Variants in PRDX1 observed in about 807,000 individuals in gnomAD.
The protein encoded by PRDX1 is peroxiredoxin 1.
PRDX1 carries 19 observed loss-of-function variants against 20.7 expected under a neutral mutation model. That is an observed-to-expected ratio of 0.92 (90% CI 0.64 to 1.35). PRDX1 has a LOEUF of 1.35. Among genes scored for constraint, PRDX1 ranks in the 40% most tolerant of loss-of-function variants. The pLI is 0.00. For synonymous variants in PRDX1, 89 were observed against 83.9 expected (o/e 1.06, Z -0.33); for missense variants, 226 against 240.0 (o/e 0.94, Z 0.38).
intron 1 of PRDX1, 30 bp from the exon 2 acceptor site, chr1:45,519,084 A>T (rs1170523957): frequency 6.8e-7 from 1 of 1,475,712 alleles, no homozygotes; most frequent in Non-Finnish European, 9.3e-7. Context: ...ATTAGAAACA[A>T]GCCTTAATTT....
chr1:45,515,131 A>G (rs1643834993), intron 3 of PRDX1, 136 bp from the exon 4 acceptor site: 1 of 1,275,404 alleles, frequency 7.8e-7, no homozygotes, highest in East Asian at 2.3e-5. Context: ...CAATAAAGTG[A>G]ATGCTGAGAA....
chr1:45,514,924 G>T lies in PRDX1; in HGVS notation c.332C>A (p.Thr111Asn), dbSNP rs776067972. The T allele has an allele frequency of 7.4e-6, 12 of 1,614,064 alleles. No individual in the cohort carries two copies. Among genetic ancestry groups the T allele is most frequent in the Non-Finnish European group, 1.0e-5 (12 of 1,180,030 alleles). The change falls in exon 4 of 6, where the codon ACC becomes AAC. Residue 111 changes from threonine to asparagine, a missense_variant. Thr to Asn is a moderately conservative substitution (Grantham distance 65, BLOSUM62 0). Coordinates refer to ENST00000319248, the MANE Select transcript of PRDX1 (RefSeq NM_181697.3). ...TAAGACCCCATAATCCTGAGCAATGGTGCGCTTCGGGTCTGATACCAAAGG... is the reference window on the plus strand; with the variant it reads ...TAAGACCCCATAATCCTGAGCAATGTTGCGCTTCGGGTCTGATACCAAAGG... The part of the protein sequence containing the change: ...NIPLVSDPKR[T>N]IAQDYGVLKA...
At chr1:45,521,701 C>G (rs1643915147) in intron 1 of PRDX1, 128 bp downstream of exon 1, 2 of 152,450 alleles carry the variant, frequency 1.3e-5, no homozygotes, top group African/African-American at 4.8e-5. Context: ...GGGCCTCCCC[C>G]GGCTGCCTCA....
chr1:45,522,244 C>T (rs2149331367), upstream of PRDX1, among the ~76,000 whole-genome samples: 1 of 152,280 alleles, frequency 6.6e-6, no homozygotes, highest in South Asian at 2.1e-4. Context: ...CTGCTGCCCA[C>T]GGAGGACCAC....
At chr1:45,518,467 CAAAAAAAAAA>C (rs35407028) in intron 2 of PRDX1, among the ~76,000 whole-genome samples, 1 of 48,050 alleles carries the variant, frequency 2.1e-5, no homozygotes. Flanking sequence ...AACTCCATCT[CAAAAAAAAAA>C]AAAAAAAAAA....
In PRDX1 at chr1:45,519,071, T is replaced by C; in HGVS notation, c.-11-17A>G. Reference sequence around the variant, plus strand: ...TCCTATCAGCTAGAAATAACAGAAATGAATTAGAAACAAGCCTTAATTTTC... The same window carrying C: ...TCCTATCAGCTAGAAATAACAGAAACGAATTAGAAACAAGCCTTAATTTTC... On this transcript the variant is annotated splice_polypyrimidine_tract_variant and intron_variant, in intron 1 of 5. Coordinates refer to ENST00000319248, the MANE Select transcript of PRDX1 (RefSeq NM_181697.3). 2.6e-6 allele frequency: 4 copies of C among 1,514,280 alleles called. No individual in the cohort carries two copies. Among genetic ancestry groups the C allele is most frequent in the Non-Finnish European group, 3.6e-6 (4 of 1,109,704 alleles). 93.8% of individuals were successfully genotyped at this position (1,514,280 alleles called of 1,614,324 possible).
chr1:45,520,723 C>CAAAAAAA (rs71052895), intron 1 of PRDX1, among the ~76,000 whole-genome samples: 8 of 57,534 alleles, frequency 1.4e-4, no homozygotes, highest in Non-Finnish European at 1.6e-4. Flanking sequence ...GACTCCGTCT[C>CAAAAAAA]AAAAAAAAAA....
At chr1:45,518,318 T>A (rs1454404882) in intron 2 of PRDX1, among the ~76,000 whole-genome samples, 2 of 151,132 alleles carry the variant, frequency 1.3e-5, no homozygotes, top group African/African-American at 2.4e-5. Flanking sequence ...CAAAAAAAAA[T>A]TAGCCAGGCA....
At chr1:45,513,520 A>G (rs1218753870) in intron 5 of PRDX1, 1 of 152,352 alleles carries the variant, frequency 6.6e-6, no homozygotes, top group Non-Finnish European at 1.5e-5. Context: ...CTGTGGGGAA[A>G]AGAGAGATCA....
rs186082850 is a variant in PRDX1 at position 45,511,492 on chromosome 1, C to T, written c.515-78G>A. The T allele has an allele frequency of 5.7e-5, 68 of 1,201,486 alleles. No homozygotes were observed. In the African/African-American group the frequency reaches 9.3e-4, roughly 16 times the overall value. The allele number at this position is 1,201,486 out of a possible 1,614,324, so 74.4% of individuals were successfully genotyped here. ...CATTCTCCTATGGACAAAACCAGTT[C>T]TGCACCTGAACACTCAGATACCAGG... On this transcript the variant is annotated intron_variant, in intron 5 of 5. Transcript: ENST00000319248.
At chr1:45,519,372 A>G (rs1162319993) in intron 1 of PRDX1, among the ~76,000 whole-genome samples, 1 of 152,244 alleles carries the variant, frequency 6.6e-6, no homozygotes, top group Non-Finnish European at 1.5e-5. Flanking sequence ...CTTATTCATT[A>G]TACAGAAGCA....
rs1270962057 is a variant in PRDX1, at chr1:45,514,866, G to T, written c.383+7C>A. On this transcript the variant is annotated splice_region_variant and intron_variant, in intron 4 of 5. Coordinates refer to ENST00000319248, the MANE Select transcript of PRDX1 (RefSeq NM_181697.3). The stretch of plus-strand genomic sequence containing the variant: ...CAGCCAACTGGATACTTGTCCTGAT[G>T]ACATACCTGAACGAGATGCCTTCAT... 1 of 1,613,942 alleles carries T rather than the reference G, an allele frequency of 6.2e-7. No homozygotes were observed. Among genetic ancestry groups the T allele is most frequent in the Non-Finnish European group, 8.5e-7 (1 of 1,179,980 alleles).
chr1:45,511,188 T>C lies in PRDX1; in HGVS notation c.*141A>G. On this transcript the variant is annotated 3_prime_UTR_variant, in exon 6 of 6. Transcript: ENST00000319248. ...AAGAAAGGCTGGTCTCTCCACCCCC[T>C]GTAGGAAAGGCCTGCCTTGTAAGAC... 1 of 710,428 alleles carries C rather than the reference T, an allele frequency of 1.4e-6. No individual in the cohort carries two copies. The highest frequency in any genetic ancestry group is 2.3e-6 in the Non-Finnish European group (1 of 429,234). The allele number at this position is 710,428 out of a possible 1,614,324, so 44.0% of individuals were successfully genotyped here.
intron 5 of PRDX1, among the ~76,000 whole-genome samples, chr1:45,514,035 G>T (rs1643808994): frequency 6.6e-6 from 1 of 152,194 alleles, no homozygotes; most frequent in African/African-American, 2.4e-5. Flanking sequence ...ATGTCTCAGT[G>T]TAAAACCCAA....
rs1354024647 is a variant in PRDX1 at position 45,511,136 on chromosome 1, G to A, written c.*193C>T. Reference sequence around the variant, plus strand: ...TACAAACCAGTAGCCTGCCCACAACGCCAACTCAGGCCATTCCTACCAAAG... The same window carrying A: ...TACAAACCAGTAGCCTGCCCACAACACCAACTCAGGCCATTCCTACCAAAG... On this transcript the variant is annotated 3_prime_UTR_variant, in exon 6 of 6. Transcript: ENST00000319248. 1 of 525,304 alleles carries A rather than the reference G, an allele frequency of 1.9e-6. No homozygotes were observed. The highest frequency in any genetic ancestry group is 3.4e-6 in the Non-Finnish European group (1 of 297,074). The allele number at this position is 525,304 out of a possible 1,614,324, so 32.5% of individuals were successfully genotyped here.
At chr1:45,522,203 C>T (rs1643921608), upstream of PRDX1, among the ~76,000 whole-genome samples, 1 of 152,166 alleles carries the variant, frequency 6.6e-6, no homozygotes, top group Admixed American at 6.6e-5. Flanking sequence ...GCACTGTGCC[C>T]TCAATGCCCA....
intron 1 of PRDX1, among the ~76,000 whole-genome samples, chr1:45,520,687 G>A (rs1172765385): frequency 1.4e-5 from 2 of 138,562 alleles, no homozygotes; most frequent in Admixed American, 7.8e-5. Flanking sequence ...TCCAGCCACT[G>A]CACTCCAGCC....
intron 2 of PRDX1, among the ~76,000 whole-genome samples, chr1:45,516,366 G>T (rs562770468): frequency 2.0e-5 from 3 of 152,222 alleles, no homozygotes; most frequent in South Asian, 4.1e-4. Flanking sequence ...GTGCGTGTCT[G>T]TAGTCCCAGC....
Position 45,514,943 on chromosome 1 carries a change from C to G in PRDX1, c.313G>C (p.Val105Leu), listed in dbSNP as rs751405893. The G allele has an allele frequency of 6.2e-7, 1 of 1,614,190 alleles. No individual in the cohort carries two copies. The highest frequency in any genetic ancestry group is 8.5e-7 in the Non-Finnish European group (1 of 1,180,032). ...GGLGPMNIPL[V>L]SDPKRTIAQD... ...GCAATGGTGCGCTTCGGGTCTGATA[C>G]CAAAGGAATGTTCATGGGTCCCAGT... The change falls in exon 4 of 6, where the codon GTA becomes CTA. Residue 105 changes from valine to leucine, a missense_variant. Val to Leu is a conservative substitution (Grantham distance 32). Transcript: ENST00000319248.
Sources: gnomAD v4.1 joint callset for allele counts (sites outside exome capture counted in the v4.1 genomes callset) on GRCh38, gnomAD v4.1.1 for gene constraint, MANE v1.5 for transcripts, NCBI Gene and HGNC (gene_info 2026-07-23, HGNC 2026-07-21) for gene names.